The following SLC35F2 variants were observed in gnomAD, a reference collection of about 807,000 sequenced individuals.
The protein encoded by SLC35F2 is queuine/queuosine transporter SLC35F2.
A neutral mutation model predicts 38.1 loss-of-function variants in SLC35F2; 25 were observed. That is an observed-to-expected ratio of 0.66 (90% CI 0.48 to 0.92). SLC35F2 has a LOEUF of 0.92. SLC35F2 is among the 40% of genes least tolerant of loss of function. The pLI is 0.00. For missense variants in SLC35F2, 409 were observed against 452.9 expected (o/e 0.90, Z 0.88); for synonymous variants, 173 against 181.7 (o/e 0.95, Z 0.38).
intron 7 of SLC35F2, among the ~76,000 whole-genome samples, chr11:107,801,350 G>C (rs1591185466): frequency 1.3e-5 from 2 of 151,970 alleles, no homozygotes; most frequent in Non-Finnish European, 2.9e-5. Context: ...TGAGAATCCA[G>C]GTGTTTTTTC....
In SLC35F2 at chr11:107,803,087, C is replaced by T. The variant is rs1274817650; in HGVS notation, c.853G>A (p.Val285Ile). 1 of 1,613,836 alleles carries T rather than the reference C, an allele frequency of 6.2e-7. No homozygotes were observed. Among genetic ancestry groups the T allele is most frequent in the African/African-American group, 1.3e-5 (1 of 74,896 alleles). ...AGGTTGACGGAAGTGGCACTAGTGA[C>T]TTTAATCACCAATGGCATGAAGCTG... ...LYSFMPLVIK[V>I]TSATSVNLGI... The change falls in exon 7 of 8, where the codon GTC becomes ATC. Residue 285 changes from valine (V) to isoleucine (I), a missense_variant. Physicochemically the swap from Val to Ile is conservative, Grantham distance 29 (BLOSUM62 3). Transcript: ENST00000525815.
chr11:107,822,373 T>C (rs1189797783), intron 1 of SLC35F2, among the ~76,000 whole-genome samples: 1 of 152,248 alleles, frequency 6.6e-6, no homozygotes. Flanking sequence ...TGATTTCCAA[T>C]GAAAATATAT....
At chr11:107,799,945 G>C (rs182370226) in intron 7 of SLC35F2, among the ~76,000 whole-genome samples, 35 of 151,606 alleles carry the variant, frequency 2.3e-4, no homozygotes, top group African/African-American at 8.5e-4. Flanking sequence ...CTGGAGTGCA[G>C]TGGCGTGATC....
intron 7 of SLC35F2, among the ~76,000 whole-genome samples, chr11:107,799,720 A>G (rs12796583): frequency 0.15 from 22,744 of 151,720 alleles, 2,749 homozygotes; most frequent in East Asian, 0.42. Flanking sequence ...CTACAGATGC[A>G]CGCCACCACT....
chr11:107,852,176 G>A (rs1480766285), intron 1 of SLC35F2, among the ~76,000 whole-genome samples: 1 of 152,008 alleles, frequency 6.6e-6, no homozygotes, highest in Non-Finnish European at 1.5e-5. Context: ...CCAGCACTTT[G>A]GGAGGCCAAG....
intron 2 of SLC35F2, among the ~76,000 whole-genome samples, chr11:107,813,999 C>T (rs1859522611): frequency 6.6e-6 from 1 of 152,042 alleles, no homozygotes; most frequent in Non-Finnish European, 1.5e-5. Flanking sequence ...ATAGCTGGTG[C>T]ATGGGATGAA....
At chr11:107,833,185 T>C (rs1591202217) in intron 1 of SLC35F2, among the ~76,000 whole-genome samples, 1 of 152,142 alleles carries the variant, frequency 6.6e-6, no homozygotes, top group East Asian at 1.9e-4. Flanking sequence ...TTTTGATCCA[T>C]TTGCCAATGC....
chr11:107,831,311 C>G (rs890394189), intron 1 of SLC35F2, among the ~76,000 whole-genome samples: 1 of 152,208 alleles, frequency 6.6e-6, no homozygotes, highest in African/African-American at 2.4e-5. Context: ...TGGAATGGGA[C>G]AGGGTGATAG....
intron 1 of SLC35F2, among the ~76,000 whole-genome samples, chr11:107,848,782 C>G (rs1007900402): frequency 6.6e-6 from 1 of 152,162 alleles, no homozygotes; most frequent in African/African-American, 2.4e-5. Context: ...GAGGCCAGCC[C>G]AGAAGCCCAC....
At chr11:107,794,066 A>G (rs527723777) in intron 7 of SLC35F2, among the ~76,000 whole-genome samples, 9 of 149,644 alleles carry the variant, frequency 6.0e-5, no homozygotes, top group Non-Finnish European at 1.0e-4. Flanking sequence ...TATTAAAGAA[A>G]TCAGTCTGTA....
At chr11:107,808,985 T>C (rs570503) in intron 3 of SLC35F2, among the ~76,000 whole-genome samples, 71,611 of 152,060 alleles carry the variant, frequency 0.47, 17,356 homozygotes, top group Non-Finnish European at 0.53. Context: ...GAGATGCCTA[T>C]GTCATGATCA....
intron 1 of SLC35F2, among the ~76,000 whole-genome samples, chr11:107,831,352 C>A (rs1859837657): frequency 1.3e-5 from 2 of 152,186 alleles, no homozygotes; most frequent in East Asian, 3.8e-4. Flanking sequence ...TACCACATAG[C>A]TGGGACTACA....
At chr11:107,826,931 G>A (rs1441513281) in intron 1 of SLC35F2, among the ~76,000 whole-genome samples, 1 of 152,066 alleles carries the variant, frequency 6.6e-6, no homozygotes, top group East Asian at 1.9e-4. Flanking sequence ...CAGAAAATAA[G>A]AAAATTATAT....
At chr11:107,835,321 T>C (rs1859913354) in intron 1 of SLC35F2, among the ~76,000 whole-genome samples, 1 of 152,184 alleles carries the variant, frequency 6.6e-6, no homozygotes, top group Non-Finnish European at 1.5e-5. Context: ...GACTTTGCAG[T>C]AGCACACCAC....
intron 4 of SLC35F2, chr11:107,805,741 A>G: frequency 1.2e-6 from 1 of 835,440 alleles, no homozygotes; most frequent in Non-Finnish European, 1.4e-6. Flanking sequence ...GCAGTGGCGC[A>G]ATCTCAGCTC....
At chr11:107,844,873 G>A (rs1222323015) in intron 1 of SLC35F2, among the ~76,000 whole-genome samples, 69 of 151,008 alleles carry the variant, frequency 4.6e-4, no homozygotes, top group Non-Finnish European at 9.1e-4. Context: ...CTACTCGGGA[G>A]GCTAAGGCAG....
chr11:107,826,299 G>A lies in SLC35F2; in HGVS notation c.111-10334C>T, dbSNP rs12278985. On this transcript the variant is annotated intron_variant, in intron 1 of 7. Coordinates refer to ENST00000525815, the MANE Select transcript of SLC35F2 (RefSeq NM_017515.5). ...AAAACTTTTTTTTTTTTTTTGAGAT[G>A]CAGTTTTGCTCTTGTTGTCCATGCT... 4.7e-3 allele frequency among the ~76,000 whole-genome samples: 672 copies of A among 142,692 alleles called. 7 individuals carry two copies. Among genetic ancestry groups the A allele is most frequent in the African/African-American group, 0.017 (628 of 36,864 alleles). 93.6% of individuals were successfully genotyped at this position (142,692 alleles called of 152,430 possible). A position where few individuals can be genotyped will look rare whatever the true frequency, so the allele number is the denominator to read the frequency against.
Position 107,792,558 on chromosome 11 carries a change from A to C in SLC35F2, c.*57T>G, listed in dbSNP as rs1859149970. The C allele has an allele frequency of 1.3e-6, 2 of 1,532,344 alleles. No individual in the cohort carries two copies. Among genetic ancestry groups the C allele is most frequent in the South Asian group, 1.3e-5 (1 of 76,132 alleles). 94.9% of individuals were successfully genotyped at this position (1,532,344 alleles called of 1,614,324 possible). On this transcript the variant is annotated 3_prime_UTR_variant, in exon 8 of 8. Transcript: ENST00000525815. ...CTGCTATTTCCCCAAGTGTCCCCTC[A>C]GCAGGCAGCAGGCTCTGCTTTATCC... is the stretch of plus-strand genomic sequence containing the variant.
rs186187124 is a variant in SLC35F2 at position 107,833,126 on chromosome 11, T to C, written c.111-17161A>G. On this transcript the variant is annotated intron_variant, in intron 1 of 7. Transcript: ENST00000525815. Reference sequence around the variant, plus strand: ...CAGAATACCTTGTCTATGTTTTTTATAGTGTCTCACAGTTTACAAAAACTC... The same window carrying C: ...CAGAATACCTTGTCTATGTTTTTTACAGTGTCTCACAGTTTACAAAAACTC... Among the ~76,000 whole-genome samples the C allele has an allele frequency of 6.2e-3, 938 of 152,336 alleles. 11 individuals are homozygous for C. Among genetic ancestry groups the C allele is most frequent in the African/African-American group, 0.02 (845 of 41,574 alleles).
Sources: allele counts gnomAD v4.1 joint callset (sites outside exome capture counted in the v4.1 genomes callset), GRCh38; gene constraint gnomAD v4.1.1; transcripts MANE v1.5; gene names NCBI Gene and HGNC (gene_info 2026-07-23, HGNC 2026-07-21).